WDR70: variants seen among roughly 807,000 people sequenced by gnomAD.
WDR70 encodes the protein WD repeat domain 70.
A neutral mutation model predicts 88.6 loss-of-function variants in WDR70; 53 were observed. That is an observed-to-expected ratio of 0.60 (90% CI 0.48 to 0.75). WDR70 has a LOEUF of 0.75. Ranked by LOEUF, WDR70 falls within the 30% of genes least tolerant of loss-of-function variation. The pLI, the probability that WDR70 is intolerant of heterozygous loss-of-function variation, is 0.00. For synonymous variants in WDR70, 280 were observed against 270.0 expected (o/e 1.04, Z -0.36); for missense variants, 610 against 823.2 (o/e 0.74, Z 3.17).
intron 5 of WDR70, among the ~76,000 whole-genome samples, chr5:37,406,517 T>A (rs1231814217): frequency 6.6e-6 from 1 of 152,198 alleles, no homozygotes; most frequent in African/African-American, 2.4e-5. Context: ...TTTGGGCACA[T>A]TATTTAACCT....
intron 5 of WDR70, among the ~76,000 whole-genome samples, chr5:37,422,925 G>A (rs1749990551): frequency 6.6e-6 from 1 of 152,118 alleles, no homozygotes; most frequent in Admixed American, 6.5e-5. Flanking sequence ...ACTGCACCTG[G>A]CCAAATGTGA....
intron 5 of WDR70, among the ~76,000 whole-genome samples, chr5:37,417,873 A>C (rs1749810539): frequency 6.6e-6 from 1 of 152,242 alleles, no homozygotes; most frequent in Non-Finnish European, 1.5e-5. Flanking sequence ...CCAGGTATTC[A>C]GCAGTAAACT....
chr5:37,693,073 CA>C (rs1746859035), intron 10 of WDR70, among the ~76,000 whole-genome samples: 1 of 132,364 alleles, frequency 7.6e-6, no homozygotes, highest in African/African-American at 4.3e-5. Context: ...ACACCAATAA[CA>C]GACAAACAGC....
chr5:37,681,651 T>G (rs1746440174), intron 10 of WDR70, among the ~76,000 whole-genome samples: 1 of 152,226 alleles, frequency 6.6e-6, no homozygotes, highest in African/African-American at 2.4e-5. Context: ...GATGTTGAAT[T>G]TTATCAAAAG....
chr5:37,444,596 T>C lies in WDR70; in HGVS notation c.686+1224T>C, dbSNP rs186510735. On this transcript the variant is annotated intron_variant, in intron 7 of 17. Coordinates refer to ENST00000265107, the MANE Select transcript of WDR70 (RefSeq NM_018034.4). The stretch of plus-strand genomic sequence containing the variant: ...GATCTCAAGTAATCCACCTGCCTCG[T>C]CTTCCCAAAGTGCTGGGATTACAGG... 2.2e-4 allele frequency among the ~76,000 whole-genome samples: 33 copies of C among 152,154 alleles called. No individual in the cohort carries two copies. The East Asian group carries it at 6.4e-3, about 30-fold the overall frequency.
At chr5:37,482,407 G>C (rs4639255) in intron 8 of WDR70, among the ~76,000 whole-genome samples, 90,369 of 152,104 alleles carry the variant, frequency 0.59, 28,322 homozygotes, top group Non-Finnish European at 0.69. Context: ...CAAGGAGATG[G>C]AAAAGCATGT....
chr5:37,460,538 G>T (rs1439658723), intron 7 of WDR70, among the ~76,000 whole-genome samples: 1 of 70,870 alleles, frequency 1.4e-5, no homozygotes, highest in Non-Finnish European at 3.1e-5. Flanking sequence ...TGGGGACTGT[G>T]GTGAGGTCGG....
At chr5:37,589,798 C>T (rs371661155) in intron 9 of WDR70, among the ~76,000 whole-genome samples, 13 of 152,118 alleles carry the variant, frequency 8.5e-5, no homozygotes, top group South Asian at 4.1e-4. Flanking sequence ...GACAGGGTTT[C>T]GCCATGTTGC....
chr5:37,427,253 G>A (rs1347692247), intron 5 of WDR70, among the ~76,000 whole-genome samples: 1 of 152,136 alleles, frequency 6.6e-6, no homozygotes. Flanking sequence ...GCTGGGCGTG[G>A]TGGCGGGCGC....
chr5:37,490,576 C>T (rs73749045), intron 8 of WDR70, among the ~76,000 whole-genome samples: 2,043 of 152,162 alleles, frequency 0.013, 46 homozygotes, highest in African/African-American at 0.046. Context: ...GGGTTGCTGT[C>T]TGTGGTACCT....
At chr5:37,398,033 G>A (rs1398752416) in intron 5 of WDR70, among the ~76,000 whole-genome samples, 1 of 150,064 alleles carries the variant, frequency 6.7e-6, no homozygotes, top group Non-Finnish European at 1.5e-5. Context: ...ATACTGAAAG[G>A]AAAGAATGCT....
intron 10 of WDR70, among the ~76,000 whole-genome samples, chr5:37,690,585 C>T (rs775156748): frequency 6.6e-6 from 1 of 152,172 alleles, no homozygotes; most frequent in African/African-American, 2.4e-5. Flanking sequence ...ATTTTCAACC[C>T]AGAATTTCAT....
chr5:37,549,412 T>C (rs1455144274), intron 9 of WDR70, among the ~76,000 whole-genome samples: 1 of 152,150 alleles, frequency 6.6e-6, no homozygotes, highest in East Asian at 1.9e-4. Context: ...TAAATGAGAT[T>C]TTTAAAAGTT....
chr5:37,725,530 T>A (rs1318230895), intron 16 of WDR70, among the ~76,000 whole-genome samples: 1 of 152,236 alleles, frequency 6.6e-6, no homozygotes, highest in African/African-American at 2.4e-5. Context: ...GAGAAGTAGG[T>A]ACCAGAAGAA....
At position 37,682,680 on chromosome 5, in the gene WDR70, C is replaced by T. The variant is rs188916306; in HGVS notation, c.1093-14975C>T. On this transcript the variant is annotated intron_variant, in intron 10 of 17. Transcript: ENST00000265107. ...TTTCTGCCTTAATATTATTATTTAT[C>T]CAAAAGTCATTCATGAACAGATTAT... is the stretch of plus-strand genomic sequence containing the variant. 1.4e-4 allele frequency among the ~76,000 whole-genome samples: 22 copies of T among 152,148 alleles called. No individual in the cohort carries two copies. In the East Asian group the frequency reaches 2.9e-3, roughly 20 times the overall value.
intron 8 of WDR70, among the ~76,000 whole-genome samples, chr5:37,510,756 C>T (rs1206780914): frequency 6.6e-6 from 1 of 152,186 alleles, no homozygotes; most frequent in Non-Finnish European, 1.5e-5. Context: ...TATCTGTTGT[C>T]TCCTTTAATT....
At chr5:37,399,607 T>C (rs1003545355) in intron 5 of WDR70, among the ~76,000 whole-genome samples, 5 of 152,230 alleles carry the variant, frequency 3.3e-5, no homozygotes, top group African/African-American at 1.2e-4. Context: ...ACATTTACCG[T>C]TTTAAATTCT....
chr5:37,578,713 T>G (rs541646094), intron 9 of WDR70, among the ~76,000 whole-genome samples: 1 of 152,362 alleles, frequency 6.6e-6, no homozygotes, highest in Admixed American at 6.5e-5. Context: ...GACTCTGTTC[T>G]CAAAGAGTTC....
intron 5 of WDR70, among the ~76,000 whole-genome samples, chr5:37,421,289 C>T (rs1031455004): frequency 6.6e-6 from 1 of 152,152 alleles, no homozygotes; most frequent in Non-Finnish European, 1.5e-5. Context: ...TGCCTCATGC[C>T]CTATCTGTGT....
Sources: gnomAD v4.1 joint callset for allele counts (sites outside exome capture counted in the v4.1 genomes callset) on GRCh38, gnomAD v4.1.1 for gene constraint, MANE v1.5 for transcripts, NCBI Gene and HGNC (gene_info 2026-07-23, HGNC 2026-07-21) for gene names.